CNTN3: variants seen among roughly 807,000 people sequenced by gnomAD.
The protein encoded by CNTN3 is contactin 3, also known as contactin-3.
CNTN3 carries 60 observed loss-of-function variants against 119.1 expected under a neutral mutation model. That is an observed-to-expected ratio of 0.50 (90% CI 0.41 to 0.62). The LOEUF (loss-of-function observed/expected upper bound fraction) is 0.62, where lower values mean the gene tolerates loss of function less well. CNTN3 is among the 20% of genes least tolerant of loss of function. CNTN3 has a pLI of 0.00. For missense variants in CNTN3, 1,101 were observed against 1,242.4 expected, an observed-to-expected ratio of 0.89 and a Z score of 1.71; for synonymous variants, 450 against 438.7, an observed-to-expected ratio of 1.03 and a Z score of -0.32.
chr3:74,285,190 T>A (rs1702086048), intron 20 of CNTN3, 115 bp downstream of exon 20: 1 of 1,150,054 alleles, frequency 8.7e-7, no homozygotes. Flanking sequence ...GAGTTAGGTT[T>A]ATATAATCTA....
At chr3:74,361,598 C>T (rs147416653) in intron 11 of CNTN3, among the ~76,000 whole-genome samples, 2 of 152,300 alleles carry the variant, frequency 1.3e-5, no homozygotes, top group African/African-American at 4.8e-5. Flanking sequence ...CTGGGATCAA[C>T]ATTCCTTCAT....
intron 1 of CNTN3, among the ~76,000 whole-genome samples, chr3:74,574,374 T>A (rs950046128): frequency 6.6e-6 from 1 of 152,200 alleles, no homozygotes; most frequent in African/African-American, 2.4e-5. Context: ...GTGGTGATGG[T>A]TGTCACAATC....
At chr3:74,504,481 G>T (rs1280825097) in intron 2 of CNTN3, among the ~76,000 whole-genome samples, 1 of 152,080 alleles carries the variant, frequency 6.6e-6, no homozygotes, top group Admixed American at 6.6e-5. Context: ...TTAGAAATGA[G>T]ATATCTTCTA....
chr3:74,353,538 C>A (rs1703864090), intron 11 of CNTN3, among the ~76,000 whole-genome samples: 1 of 152,132 alleles, frequency 6.6e-6, no homozygotes, highest in African/African-American at 2.4e-5. Flanking sequence ...GGGTGGATCA[C>A]GAGGTCAGGA....
chr3:74,336,524 G>A lies in CNTN3; in HGVS notation c.1492+7C>T, dbSNP rs372063489. 6.2e-6 allele frequency: 10 copies of A among 1,610,482 alleles called. No homozygotes were observed. In the African/African-American group the frequency reaches 1.2e-4, roughly 19 times the overall value. On this transcript the variant is annotated splice_region_variant and intron_variant, in intron 12 of 22. Coordinates refer to ENST00000263665, the MANE Select transcript of CNTN3 (RefSeq NM_020872.3). ...TATGTAAAGCAATATTTTAGAAATG[G>A]ACCTACCCGTAACAACCAAATGTGT... is the stretch of plus-strand genomic sequence containing the variant.
chr3:74,288,755 G>A (rs780512398), intron 19 of CNTN3, among the ~76,000 whole-genome samples: 1 of 152,104 alleles, frequency 6.6e-6, no homozygotes, highest in Non-Finnish European at 1.5e-5. Context: ...GCACTAGAAC[G>A]TGGGAGCTTT....
chr3:74,508,389 A>T (rs978830974), intron 2 of CNTN3, among the ~76,000 whole-genome samples: 2 of 152,146 alleles, frequency 1.3e-5, no homozygotes, highest in African/African-American at 4.8e-5. Context: ...CAGTATGAAA[A>T]TGGACTATTA....
At chr3:74,310,920 G>C (rs1702670615) in intron 13 of CNTN3, among the ~76,000 whole-genome samples, 1 of 152,144 alleles carries the variant, frequency 6.6e-6, no homozygotes. Context: ...ATGGACCAAA[G>C]AGAAAGGTTC....
chr3:74,297,935 T>C, intron 18 of CNTN3, 22 bp downstream of exon 18: 1 of 1,558,692 alleles, frequency 6.4e-7, no homozygotes, highest in Non-Finnish European at 8.8e-7. Flanking sequence ...GCGGAACTGA[T>C]ATACAGTCAT....
At chr3:74,458,406 A>C (rs1184135938) in intron 4 of CNTN3, among the ~76,000 whole-genome samples, 2 of 152,014 alleles carry the variant, frequency 1.3e-5, no homozygotes, top group Non-Finnish European at 2.9e-5. Flanking sequence ...AGTTGCTGGA[A>C]AAAAAATCAA....
chr3:74,563,640 G>T (rs974670313), intron 1 of CNTN3, among the ~76,000 whole-genome samples: 18 of 152,038 alleles, frequency 1.2e-4, no homozygotes, highest in Non-Finnish European at 1.5e-5. Context: ...TATAGCACAT[G>T]ACCTAGGCTC....
At chr3:74,371,426 A>C (rs1559568557) in intron 5 of CNTN3, 27 bp from the exon 6 acceptor site, 1 of 1,536,548 alleles carries the variant, frequency 6.5e-7, no homozygotes, top group Non-Finnish European at 9.0e-7. Context: ...AGAGAGAAAG[A>C]AATTCCATCA....
chr3:74,525,676 T>A (rs1215553135), intron 1 of CNTN3, among the ~76,000 whole-genome samples: 2 of 151,930 alleles, frequency 1.3e-5, no homozygotes, highest in African/African-American at 2.4e-5. Context: ...GGCTAAAGCT[T>A]AATATATTCA....
chr3:74,435,415 A>G (rs1426980361), intron 4 of CNTN3, among the ~76,000 whole-genome samples: 2 of 152,120 alleles, frequency 1.3e-5, no homozygotes. Flanking sequence ...GGGCTCAAGC[A>G]ATCCACCTGT....
chr3:74,369,923 A>T lies in CNTN3; in HGVS notation c.727T>A (p.Ser243Thr). Residue 243 changes from serine (S) to threonine (T), a missense_variant, in exon 7 of 23, where the codon TCG (serine) becomes ACG (threonine). Transcript: ENST00000263665. ...FPETLPAAKG[S>T]TVKLECFALG... ...GCAAAACATTCCAATTTCACAGTCG[A>T]ACCTTTAGCTGCTGGAAGAGTTTCT... 6.2e-7 allele frequency: 1 copy of T among 1,608,744 alleles called. No individual in the cohort carries two copies. The highest frequency in any genetic ancestry group is 8.5e-7 in the Non-Finnish European group (1 of 1,176,786).
chr3:74,371,764 C>T (rs372283751), intron 5 of CNTN3, among the ~76,000 whole-genome samples: 85 of 152,182 alleles, frequency 5.6e-4, no homozygotes, highest in African/African-American at 1.8e-3. Context: ...TCAAACTTGG[C>T]GAAGTTCTTT....
chr3:74,379,022 C>T (rs1704548100), intron 5 of CNTN3, among the ~76,000 whole-genome samples: 1 of 152,144 alleles, frequency 6.6e-6, no homozygotes, highest in African/African-American at 2.4e-5. Context: ...TAACACTTAT[C>T]CAAGAGACAA....
chr3:74,335,593 A>C (rs1703373791), intron 12 of CNTN3, among the ~76,000 whole-genome samples: 2 of 152,234 alleles, frequency 1.3e-5, no homozygotes, highest in South Asian at 4.1e-4. Flanking sequence ...TGTTGTCTAC[A>C]ATTATGCTAG....
chr3:74,353,611 C>G (rs1703866430), intron 11 of CNTN3, among the ~76,000 whole-genome samples: 1 of 152,038 alleles, frequency 6.6e-6, no homozygotes, highest in Non-Finnish European at 1.5e-5. Context: ...AAAAAATTAG[C>G]CGGGCGTGGT....
Sources: gnomAD v4.1 joint callset for allele counts (sites outside exome capture counted in the v4.1 genomes callset) on GRCh38, gnomAD v4.1.1 for gene constraint, MANE v1.5 for transcripts, NCBI Gene and HGNC (gene_info 2026-07-23, HGNC 2026-07-21) for gene names.